The following BCKDHB variants were observed in gnomAD, a reference collection of about 807,000 sequenced individuals.
BCKDHB encodes 2-oxoisovalerate dehydrogenase subunit beta, mitochondrial.
A neutral mutation model predicts 48.5 loss-of-function variants in BCKDHB; 41 were observed. The ratio of observed to expected loss-of-function variants is 0.85; its 90% CI spans 0.66 to 1.10. The LOEUF is 1.10. Ranked by LOEUF, BCKDHB falls within the 50% of genes least tolerant of loss-of-function variation. The pLI, the probability that BCKDHB is intolerant of heterozygous loss-of-function variation, is 0.00. For synonymous variants in BCKDHB, 201 were observed against 174.8 expected, an observed-to-expected ratio of 1.15 and a Z score of -1.18; for missense variants, 496 against 494.2, an observed-to-expected ratio of 1.00 and a Z score of -0.03.
intron 9 of BCKDHB, among the ~76,000 whole-genome samples, chr6:80,285,960 ATG>A (rs990681019): frequency 3.2e-4 from 48 of 151,956 alleles, no homozygotes; most frequent in African/African-American, 2.4e-5. Context: ...GTGTGTGTAT[ATG>A]TGTGTGTGTA....
At chr6:80,379,363 A>G in the BCKDHB span, among the ~76,000 whole-genome samples, 1 of 152,122 alleles carries the variant, frequency 6.6e-6, no homozygotes, top group African/African-American at 2.4e-5. Context: ...TAGATGTAAA[A>G]TAAGTATTTG....
chr6:80,314,500 G>C (rs2127998668), intron 9 of BCKDHB, among the ~76,000 whole-genome samples: 1 of 152,244 alleles, frequency 6.6e-6, no homozygotes, highest in Non-Finnish European at 1.5e-5. Context: ...TAGAACTCTT[G>C]TCAGCTGTAG....
the BCKDHB span, among the ~76,000 whole-genome samples, chr6:80,423,983 G>A: frequency 7.0e-4 from 106 of 152,182 alleles, no homozygotes; most frequent in Non-Finnish European, 1.2e-3. Flanking sequence ...GTTGCTATCA[G>A]TTCTGGAATG....
At chr6:80,124,876 G>A (rs1770257907) in intron 1 of BCKDHB, among the ~76,000 whole-genome samples, 1 of 152,128 alleles carries the variant, frequency 6.6e-6, no homozygotes, top group South Asian at 2.1e-4. Context: ...CAGGCAGAGT[G>A]GATTTAGCAT....
chr6:80,171,513 G>T, intron 6 of BCKDHB, 123 bp downstream of exon 6: 1 of 631,594 alleles, frequency 1.6e-6, no homozygotes, highest in Non-Finnish European at 2.6e-6. Context: ...AAAGAATCTT[G>T]ATTTTTTTGG....
chr6:80,168,625 G>A (rs1477074553), intron 4 of BCKDHB, among the ~76,000 whole-genome samples: 1 of 132,602 alleles, frequency 7.5e-6, no homozygotes, highest in African/African-American at 2.9e-5. Flanking sequence ...AGGAGGGAGG[G>A]AGGGAGGGAG....
chr6:80,125,046 T>C (rs1770270092), intron 1 of BCKDHB, among the ~76,000 whole-genome samples: 1 of 152,226 alleles, frequency 6.6e-6, no homozygotes, highest in Admixed American at 6.5e-5. Context: ...CATCTTCCAA[T>C]AGAAGCTGTT....
At chr6:80,173,424 C>T (rs1773008848) in intron 6 of BCKDHB, among the ~76,000 whole-genome samples, 1 of 152,246 alleles carries the variant, frequency 6.6e-6, no homozygotes, top group African/African-American at 2.4e-5. Flanking sequence ...GAAAAAAGGG[C>T]TAACCACCAA....
chr6:80,253,961 C>T (rs1004646599), intron 8 of BCKDHB, among the ~76,000 whole-genome samples: 3 of 151,548 alleles, frequency 2.0e-5, no homozygotes, highest in Non-Finnish European at 4.4e-5. Context: ...AATTAAGCAA[C>T]ATTTCATAAT....
chr6:80,201,074 T>G (rs898190816), intron 7 of BCKDHB, 43 bp downstream of exon 7: 1 of 1,467,138 alleles, frequency 6.8e-7, no homozygotes, highest in African/African-American at 1.4e-5. Context: ...ACGTTGTGCT[T>G]GGAAGCTCTC....
chr6:80,402,123 G>A, the BCKDHB span, among the ~76,000 whole-genome samples: 3 of 151,558 alleles, frequency 2.0e-5, no homozygotes, highest in African/African-American at 7.2e-5. Flanking sequence ...TTTATTTTTG[G>A]GTAAGTACCT....
At chr6:80,288,211 T>A (rs1409827154) in intron 9 of BCKDHB, among the ~76,000 whole-genome samples, 2 of 152,250 alleles carry the variant, frequency 1.3e-5, no homozygotes, top group South Asian at 2.1e-4. Flanking sequence ...GAAAAAATGA[T>A]CCTTTCTATT....
At position 80,346,166 on chromosome 6, in the gene BCKDHB, T is replaced by C. The variant is rs1306043179; in HGVS notation, c.*2362T>C. ...GATGATTTTCATTAAGAGTTTCAGA[T>C]TAACTTTGAAAAATATTCCACATGG... is the stretch of plus-strand genomic sequence containing the variant. On this transcript the variant is annotated 3_prime_UTR_variant, in exon 10 of 10. Transcript: ENST00000320393. 1 of 152,228 alleles carries C rather than the reference T, an allele frequency of 6.6e-6. No individual in the cohort carries two copies. Among genetic ancestry groups the C allele is most frequent in the Non-Finnish European group, 1.5e-5 (1 of 68,034 alleles). 9.4% of individuals were successfully genotyped at this position (152,228 alleles called of 1,614,324 possible).
At chr6:80,289,918 G>A (rs939415645) in intron 9 of BCKDHB, among the ~76,000 whole-genome samples, 3 of 152,184 alleles carry the variant, frequency 2.0e-5, no homozygotes, top group African/African-American at 4.8e-5. Context: ...AGGAGAGAGT[G>A]AAACCAGCTT....
intron 9 of BCKDHB, among the ~76,000 whole-genome samples, chr6:80,273,784 A>T (rs930309066): frequency 3.9e-5 from 6 of 152,030 alleles, no homozygotes; most frequent in African/African-American, 1.4e-4. Context: ...TTTTAAAAAA[A>T]ATGCTCATTA....
At chr6:80,169,925 A>C in intron 5 of BCKDHB, 1 of 1,521,086 alleles carries the variant, frequency 6.6e-7, no homozygotes. Flanking sequence ...TTTGTGCTTG[A>C]GCTAAACATT....
chr6:80,342,496 G>A (rs1769957768), intron 9 of BCKDHB, among the ~76,000 whole-genome samples: 1 of 139,864 alleles, frequency 7.1e-6, no homozygotes, highest in Admixed American at 8.4e-5. Context: ...TGAGGCTAGG[G>A]GATCACTTGA....
the BCKDHB span, among the ~76,000 whole-genome samples, chr6:80,407,833 G>A: frequency 2.0e-5 from 3 of 152,096 alleles, no homozygotes; most frequent in Non-Finnish European, 4.4e-5. Flanking sequence ...TTTTCTAATT[G>A]AATACCCTTT....
intron 6 of BCKDHB, among the ~76,000 whole-genome samples, chr6:80,190,321 C>T (rs539172252): frequency 1.5e-4 from 23 of 152,172 alleles, no homozygotes; most frequent in Non-Finnish European, 1.3e-4. Context: ...TTTTAAAATA[C>T]ACAGTTTTTG....
Sources: gnomAD v4.1 joint callset for allele counts (sites outside exome capture counted in the v4.1 genomes callset) on GRCh38, gnomAD v4.1.1 for gene constraint, MANE v1.5 for transcripts, NCBI Gene and HGNC (gene_info 2026-07-23, HGNC 2026-07-21) for gene names.